The following KSR2 variants were observed in gnomAD, a reference collection of about 807,000 sequenced individuals.
The protein encoded by KSR2 is kinase suppressor of ras 2.
In KSR2, 25 loss-of-function variants were observed where a neutral mutation model predicts 107.8. The observed-to-expected ratio is 0.23, with a 90% CI of 0.17 to 0.32. KSR2 has a LOEUF of 0.32. Among genes scored for constraint, KSR2 ranks in the 10% least tolerant of loss-of-function variants. The pLI, the probability that KSR2 is intolerant of heterozygous loss-of-function variation, is 1.00. For missense variants in KSR2, 887 were observed against 1,268.9 expected, an observed-to-expected ratio of 0.70 and a Z score of 4.57; for synonymous variants, 480 against 507.0, an observed-to-expected ratio of 0.95 and a Z score of 0.71.
At chr12:117,676,023 C>G (rs1885102573) in intron 4 of KSR2, among the ~76,000 whole-genome samples, 1 of 152,160 alleles carries the variant, frequency 6.6e-6, no homozygotes, top group African/African-American at 2.4e-5. Flanking sequence ...ATCCAATGAC[C>G]CAAGAGGAGG....
Position 117,456,371 on chromosome 12 carries a change from C to T in KSR2, c.*10828G>A, listed in dbSNP as rs2137087577. 6.6e-6 allele frequency: 1 copy of T among 152,288 alleles called. No individual in the cohort carries two copies. Among genetic ancestry groups the T allele is most frequent in the Non-Finnish European group, 1.5e-5 (1 of 68,022 alleles). 9.4% of individuals were successfully genotyped at this position (152,288 alleles called of 1,614,324 possible). ...ACCTTAGAGTACCTTGATGCCCATGCTGTAGCTACATAGCAGTTACTTGAA... is the reference window on the plus strand; with the variant it reads ...ACCTTAGAGTACCTTGATGCCCATGTTGTAGCTACATAGCAGTTACTTGAA... On this transcript the variant is annotated 3_prime_UTR_variant, in exon 20 of 20. Transcript: ENST00000339824.
At position 117,456,381 on chromosome 12, in the gene KSR2, A is replaced by C. The variant is rs1406763233; in HGVS notation, c.*10818T>G. 1.3e-5 allele frequency: 2 copies of C among 152,212 alleles called. No homozygotes were observed. The highest frequency in any genetic ancestry group is 1.3e-4 in the Admixed American group (2 of 15,282). The allele number at this position is 152,212 out of a possible 1,614,324, so 9.4% of individuals were successfully genotyped here. ...ACCTTGATGCCCATGCTGTAGCTACATAGCAGTTACTTGAACTTACACAAG... is the reference window on the plus strand; with the variant it reads ...ACCTTGATGCCCATGCTGTAGCTACCTAGCAGTTACTTGAACTTACACAAG... On this transcript the variant is annotated 3_prime_UTR_variant, in exon 20 of 20. Transcript: ENST00000339824.
intron 5 of KSR2, among the ~76,000 whole-genome samples, chr12:117,648,491 C>T (rs1269282392): frequency 6.6e-6 from 1 of 152,160 alleles, no homozygotes; most frequent in Non-Finnish European, 1.5e-5. Flanking sequence ...TTGTTCAGAG[C>T]CTATAATGTA....
At chr12:117,911,213 A>T (rs1405468859) in intron 1 of KSR2, among the ~76,000 whole-genome samples, 1 of 151,720 alleles carries the variant, frequency 6.6e-6, no homozygotes, top group East Asian at 1.9e-4. Context: ...AGAAACAAGA[A>T]TAATCCTGCC....
At chr12:117,943,788 T>C (rs1255873684) in intron 1 of KSR2, among the ~76,000 whole-genome samples, 1 of 152,166 alleles carries the variant, frequency 6.6e-6, no homozygotes. Context: ...ATCCCATATG[T>C]TATGGGAGGG....
chr12:117,546,147 G>A (rs773890382), intron 9 of KSR2, among the ~76,000 whole-genome samples: 6 of 152,038 alleles, frequency 3.9e-5, no homozygotes, highest in South Asian at 2.1e-4. Context: ...TTCTTTCAGC[G>A]TAGGTGTACT....
chr12:117,844,744 C>T (rs138557267), intron 3 of KSR2, among the ~76,000 whole-genome samples: 11 of 152,212 alleles, frequency 7.2e-5, no homozygotes, highest in African/African-American at 2.4e-4. Flanking sequence ...GTATCTACCC[C>T]CTAAGCCTTT....
chr12:117,848,835 G>GTGATGGTGGTGGGTGGTGA (rs1226463085), intron 3 of KSR2, among the ~76,000 whole-genome samples: 5 of 40,130 alleles, frequency 1.2e-4, no homozygotes, highest in South Asian at 2.0e-3. Context: ...GATGGTGGTA[G>GTGATGGTGGTGGGTGGTGA]TGGTGGTGAT....
Position 117,778,850 on chromosome 12 carries a change from C to T in KSR2, c.473-17326G>A, listed in dbSNP as rs1889785560. Among the ~76,000 whole-genome samples, 3 of 152,206 alleles carry T rather than the reference C, an allele frequency of 2.0e-5. No individual in the cohort carries two copies. In the South Asian group the frequency reaches 6.2e-4, roughly 32 times the overall value. On this transcript the variant is annotated intron_variant, in intron 3 of 19. Coordinates refer to ENST00000339824, the MANE Select transcript of KSR2 (RefSeq NM_173598.6). ...CTTTGTTGTTCTATTGCTCTGCCTCCCTTGAGTGACAGGCATTATATTAGT... is the reference window on the plus strand; with the variant it reads ...CTTTGTTGTTCTATTGCTCTGCCTCTCTTGAGTGACAGGCATTATATTAGT...
intron 7 of KSR2, among the ~76,000 whole-genome samples, chr12:117,559,883 T>C (rs975283424): frequency 2.6e-5 from 4 of 152,152 alleles, no homozygotes; most frequent in African/African-American, 9.7e-5. Context: ...TCTCTTACCA[T>C]TTTGCACATA....
intron 9 of KSR2, 63 bp downstream of exon 9, chr12:117,555,106 T>A (rs1396142840): frequency 1.2e-6 from 2 of 1,606,812 alleles, no homozygotes; most frequent in Admixed American, 3.3e-5. Flanking sequence ...CCTTCCTCCC[T>A]CCTACCCCTC....
chr12:117,679,889 T>A (rs1278654908), intron 4 of KSR2, among the ~76,000 whole-genome samples: 1 of 152,314 alleles, frequency 6.6e-6, no homozygotes, highest in African/African-American at 2.4e-5. Flanking sequence ...TGGACCACAG[T>A]CATGCCTACT....
Position 117,867,153 on chromosome 12 carries a change from T to C in KSR2, c.181-6722A>G, listed in dbSNP as rs145290735. ...CAACATGGTAAGACCCTGTCTCTACTAAAAATACAAAAATGATCCAGGCAT... is the reference window on the plus strand; with the variant it reads ...CAACATGGTAAGACCCTGTCTCTACCAAAAATACAAAAATGATCCAGGCAT... On this transcript the variant is annotated intron_variant, in intron 1 of 19. Coordinates refer to ENST00000339824, the MANE Select transcript of KSR2 (RefSeq NM_173598.6). Among the ~76,000 whole-genome samples the C allele has an allele frequency of 1.3e-3, 201 of 152,010 alleles. 2 individuals carry two copies. The highest frequency in any genetic ancestry group is 4.4e-3 in the African/African-American group (183 of 41,500).
chr12:117,829,698 G>A (rs886732126), intron 3 of KSR2, among the ~76,000 whole-genome samples: 5 of 152,162 alleles, frequency 3.3e-5, no homozygotes, highest in South Asian at 2.1e-4. Flanking sequence ...TGGACCACAC[G>A]GTCTCTGTTG....
At chr12:117,510,386 G>T (rs1592940543) in intron 14 of KSR2, among the ~76,000 whole-genome samples, 1 of 152,202 alleles carries the variant, frequency 6.6e-6, no homozygotes, top group East Asian at 1.9e-4. Flanking sequence ...ACCTCTACAT[G>T]ATAGATGAGA....
intron 9 of KSR2, among the ~76,000 whole-genome samples, chr12:117,543,872 G>A (rs772402518): frequency 1.3e-5 from 2 of 152,124 alleles, no homozygotes; most frequent in Non-Finnish European, 2.9e-5. Context: ...TCTGGTGATG[G>A]CCAGCAATTC....
At chr12:117,607,693 A>AGAGGAGAGGAGAGGG (rs1881363289) in intron 5 of KSR2, among the ~76,000 whole-genome samples, 1 of 146,648 alleles carries the variant, frequency 6.8e-6, no homozygotes, top group African/African-American at 2.6e-5. Flanking sequence ...AGAGGAGAGG[A>AGAGGAGAGGAGAGGG]GAGGGAAGCA....
intron 1 of KSR2, among the ~76,000 whole-genome samples, chr12:117,864,630 C>T (rs748858055): frequency 2.9e-4 from 44 of 152,270 alleles, no homozygotes; most frequent in Non-Finnish European, 4.9e-4. Context: ...ATCAAGGTGT[C>T]GGTGAGGCCA....
At chr12:117,628,237 T>C (rs976079379) in intron 5 of KSR2, among the ~76,000 whole-genome samples, 10 of 152,208 alleles carry the variant, frequency 6.6e-5, no homozygotes, top group Non-Finnish European at 1.5e-4. Flanking sequence ...CTTTGTTCCG[T>C]TGCTGGTGAG....
Sources: allele counts gnomAD v4.1 joint callset (sites outside exome capture counted in the v4.1 genomes callset), GRCh38; gene constraint gnomAD v4.1.1; transcripts MANE v1.5; gene names NCBI Gene and HGNC (gene_info 2026-07-23, HGNC 2026-07-21).